SLC22A24: variants seen among roughly 807,000 people sequenced by gnomAD.
SLC22A24 encodes steroid transmembrane transporter SLC22A24.
Under a neutral mutation model 49.8 loss-of-function variants are expected in SLC22A24, and 53 were observed. That is an observed-to-expected ratio of 1.06 (90% CI 0.85 to 1.34). The LOEUF is 1.34. Among genes scored for constraint, SLC22A24 ranks in the 40% most tolerant of loss-of-function variants. SLC22A24 has a pLI of 0.00. For synonymous variants in SLC22A24, 302 were observed against 256.4 expected, an observed-to-expected ratio of 1.18 and a Z score of -1.70; for missense variants, 786 against 675.9, an observed-to-expected ratio of 1.16 and a Z score of -1.81.
chr11:63,106,876 G>T (rs2087125155), intron 4 of SLC22A24, among the ~76,000 whole-genome samples: 1 of 152,050 alleles, frequency 6.6e-6, no homozygotes, highest in Non-Finnish European at 1.5e-5. Context: ...CGATTTTTTA[G>T]GTTGCCTGTT....
intron 4 of SLC22A24, among the ~76,000 whole-genome samples, chr11:63,109,277 T>A (rs1401870403): frequency 6.8e-6 from 1 of 146,682 alleles, no homozygotes; most frequent in Non-Finnish European, 1.5e-5. Context: ...TCCAAGTCTT[T>A]GCTATCGTGA....
At chr11:63,140,386 A>G (rs546760720) in intron 1 of SLC22A24, among the ~76,000 whole-genome samples, 2 of 152,234 alleles carry the variant, frequency 1.3e-5, no homozygotes, top group East Asian at 3.9e-4. Flanking sequence ...GGGCATAAAG[A>G]CAGTTTTAAA....
intron 2 of SLC22A24, among the ~76,000 whole-genome samples, chr11:63,128,402 A>G (rs1305127871): frequency 6.6e-6 from 1 of 152,074 alleles, no homozygotes; most frequent in East Asian, 1.9e-4. Context: ...GCAGACTGGG[A>G]AAGGGATTCT....
At chr11:63,140,783 A>G (rs2087410157) in intron 1 of SLC22A24, among the ~76,000 whole-genome samples, 1 of 152,232 alleles carries the variant, frequency 6.6e-6, no homozygotes, top group African/African-American at 2.4e-5. Context: ...TGTTTTTGGT[A>G]AAAGTTTATA....
intron 9 of SLC22A24, among the ~76,000 whole-genome samples, chr11:63,080,579 G>A (rs1285785603): frequency 2.6e-5 from 4 of 152,208 alleles, no homozygotes; most frequent in African/African-American, 9.6e-5. Context: ...TGAGAATGAG[G>A]CATTTGAGTC....
chr11:63,107,830 T>G (rs1468289642), intron 4 of SLC22A24, among the ~76,000 whole-genome samples: 1 of 152,188 alleles, frequency 6.6e-6, no homozygotes, highest in South Asian at 2.1e-4. Context: ...AAGGAGATTT[T>G]GGGCTGAGAC....
At chr11:63,080,478 C>T (rs2086952711) in intron 9 of SLC22A24, among the ~76,000 whole-genome samples, 1 of 152,152 alleles carries the variant, frequency 6.6e-6, no homozygotes, top group African/African-American at 2.4e-5. Context: ...GATTCTTTGA[C>T]TGAAGCAATA....
intron 4 of SLC22A24, among the ~76,000 whole-genome samples, chr11:63,111,830 T>A (rs922634236): frequency 3.9e-5 from 6 of 152,258 alleles, no homozygotes; most frequent in African/African-American, 1.4e-4. Context: ...TTTGAAGGGT[T>A]TTTTGTGTCT....
chr11:63,124,048 G>A (rs1374614965), intron 2 of SLC22A24, among the ~76,000 whole-genome samples: 7 of 152,140 alleles, frequency 4.6e-5, no homozygotes, highest in African/African-American at 1.4e-4. Context: ...ATTTAAATTT[G>A]AGTAAACAGA....
chr11:63,101,709 A>G (rs2087092156), intron 5 of SLC22A24, among the ~76,000 whole-genome samples: 1 of 152,132 alleles, frequency 6.6e-6, no homozygotes, highest in Non-Finnish European at 1.5e-5. Context: ...CTACAAATAA[A>G]TTGATAAAGA....
chr11:63,116,509 T>A (rs1395463852), intron 4 of SLC22A24, among the ~76,000 whole-genome samples: 2 of 152,200 alleles, frequency 1.3e-5, no homozygotes, highest in Admixed American at 6.5e-5. Flanking sequence ...AGTTAGCTTT[T>A]CTTTTGATGG....
intron 8 of SLC22A24, among the ~76,000 whole-genome samples, chr11:63,081,343 A>G (rs1220881523): frequency 2.6e-5 from 4 of 152,200 alleles, no homozygotes; most frequent in African/African-American, 9.6e-5. Context: ...AATTACTAAA[A>G]TAGAGATACC....
At chr11:63,143,313 AT>A in intron 1 of SLC22A24, 64 bp downstream of exon 1, 3 of 1,351,156 alleles carry the variant, frequency 2.2e-6, no homozygotes, top group South Asian at 2.2e-5. Flanking sequence ...AAGCAAGTCA[AT>A]TTTTTTGTGT....
intron 1 of SLC22A24, among the ~76,000 whole-genome samples, chr11:63,136,742 G>C (rs904726807): frequency 6.6e-6 from 1 of 152,178 alleles, no homozygotes; most frequent in African/African-American, 2.4e-5. Context: ...GATTGCCCTT[G>C]TGGCTACCTG....
chr11:63,097,675 A>G (rs2134646375), intron 5 of SLC22A24, among the ~76,000 whole-genome samples: 1 of 152,332 alleles, frequency 6.6e-6, no homozygotes, highest in African/African-American at 2.4e-5. Context: ...AATGTGCATC[A>G]ATGATAGACT....
chr11:63,126,032 TAA>T (rs558813891), intron 2 of SLC22A24, among the ~76,000 whole-genome samples: 14 of 152,210 alleles, frequency 9.2e-5, no homozygotes, highest in Non-Finnish European at 2.1e-4. Context: ...TAAATTTGTT[TAA>T]GTTCTTTTTA....
intron 5 of SLC22A24, 45 bp from the exon 6 acceptor site, chr11:63,096,151 A>G: frequency 8.0e-7 from 1 of 1,253,584 alleles, no homozygotes; most frequent in Non-Finnish European, 1.1e-6. Flanking sequence ...GATGTCAATA[A>G]TGTGTCAGGC....
chr11:63,136,080 C>T (rs182413108), intron 1 of SLC22A24, among the ~76,000 whole-genome samples: 1 of 152,216 alleles, frequency 6.6e-6, no homozygotes, highest in Admixed American at 6.5e-5. Flanking sequence ...AAATAGAAAA[C>T]ATCATTGTTT....
At chr11:63,090,702 T>TAA (rs370751523) in intron 6 of SLC22A24, among the ~76,000 whole-genome samples, 17,022 of 143,070 alleles carry the variant, frequency 0.12, 1,106 homozygotes, top group Middle Eastern at 0.16. Context: ...ATAGCTATCT[T>TAA]AAAAAAAAAA....
Sources: allele counts gnomAD v4.1 joint callset (sites outside exome capture counted in the v4.1 genomes callset), GRCh38; gene constraint gnomAD v4.1.1; transcripts MANE v1.5; gene names NCBI Gene and HGNC (gene_info 2026-07-23, HGNC 2026-07-21).